CSMD1: variants seen among roughly 807,000 people sequenced by gnomAD.
CSMD1 encodes CUB and sushi domain-containing protein 1.
Under a neutral mutation model 417.5 loss-of-function variants are expected in CSMD1, and 213 were observed. That is an observed-to-expected ratio of 0.51 (90% CI 0.46 to 0.57). The LOEUF (loss-of-function observed/expected upper bound fraction) is 0.57. CSMD1 is among the 20% of genes least tolerant of loss of function. CSMD1 has a pLI of 0.00. For missense variants in CSMD1, 6,923 were observed against 4,529.7 expected (o/e 1.53, Z -15.17); for synonymous variants, 2,862 against 1,736.8 (o/e 1.65, Z -16.11).
chr8:3,402,922 T>C (rs1214554519), intron 15 of CSMD1, among the ~76,000 whole-genome samples: 4 of 152,184 alleles, frequency 2.6e-5, no homozygotes, highest in African/African-American at 9.6e-5. Flanking sequence ...GACATTTTCC[T>C]TGAAACACAG....
At chr8:4,656,397 T>G (rs1029495365) in intron 1 of CSMD1, among the ~76,000 whole-genome samples, 8 of 151,934 alleles carry the variant, frequency 5.3e-5, no homozygotes, top group Non-Finnish European at 8.8e-5. Flanking sequence ...CTCAGTAAAG[T>G]GGGGACACTT....
chr8:4,549,701 C>CA, intron 2 of CSMD1, among the ~76,000 whole-genome samples: 1 of 151,836 alleles, frequency 6.6e-6, no homozygotes, highest in East Asian at 1.9e-4. Flanking sequence ...CCAGCCTGGG[C>CA]AACATGGCAA....
chr8:3,507,164 T>C (rs1312422104), intron 10 of CSMD1, among the ~76,000 whole-genome samples: 4 of 152,192 alleles, frequency 2.6e-5, no homozygotes, highest in African/African-American at 9.6e-5. Flanking sequence ...GTGATTTAAG[T>C]GGTTTAGAGG....
intron 2 of CSMD1, among the ~76,000 whole-genome samples, chr8:4,571,775 C>A (rs2927552): frequency 6.6e-6 from 1 of 151,930 alleles, no homozygotes; most frequent in Non-Finnish European, 1.5e-5. Flanking sequence ...TCTCTTTGTA[C>A]GTCTCTAAGA....
chr8:3,253,199 T>C (rs910890434), intron 26 of CSMD1, among the ~76,000 whole-genome samples: 1 of 152,102 alleles, frequency 6.6e-6, no homozygotes, highest in Non-Finnish European at 1.5e-5. Flanking sequence ...CACTGCTTTG[T>C]ATGTGTCCCA....
intron 1 of CSMD1, among the ~76,000 whole-genome samples, chr8:4,666,107 CT>C (rs1178347887): frequency 3.9e-4 from 59 of 152,136 alleles, no homozygotes; most frequent in African/African-American, 1.3e-3. Context: ...TCTGTGGTGA[CT>C]GGGGGGCGCT....
chr8:3,935,439 T>C (rs1269995606), intron 5 of CSMD1, among the ~76,000 whole-genome samples: 3 of 152,186 alleles, frequency 2.0e-5, no homozygotes, highest in Non-Finnish European at 4.4e-5. Flanking sequence ...AAATTGAAGT[T>C]TCCTGGCAAC....
intron 1 of CSMD1, among the ~76,000 whole-genome samples, chr8:4,710,653 G>T (rs1808228264): frequency 6.6e-6 from 1 of 151,172 alleles, no homozygotes; most frequent in Non-Finnish European, 1.5e-5. Context: ...AGACCACCCT[G>T]GCTAACAAGG....
intron 1 of CSMD1, among the ~76,000 whole-genome samples, chr8:4,669,976 C>A (rs1455013959): frequency 3.3e-5 from 5 of 152,112 alleles, no homozygotes; most frequent in African/African-American, 1.2e-4. Context: ...AGCTGCTGAG[C>A]TGAAGATCTA....
chr8:3,985,225 G>A (rs559152400), intron 5 of CSMD1, among the ~76,000 whole-genome samples: 49 of 152,200 alleles, frequency 3.2e-4, no homozygotes, highest in African/African-American at 8.9e-4. Context: ...AAGCATTGAC[G>A]GGTTATAAAT....
intron 3 of CSMD1, among the ~76,000 whole-genome samples, chr8:4,354,898 G>GTC (rs1425001651): frequency 7.4e-5 from 11 of 149,078 alleles, no homozygotes; most frequent in East Asian, 5.9e-4. Flanking sequence ...GTGTGTGTGT[G>GTC]TGTGTGTGTG....
intron 3 of CSMD1, among the ~76,000 whole-genome samples, chr8:4,401,639 T>C (rs892193829): frequency 1.3e-5 from 2 of 152,150 alleles, no homozygotes; most frequent in African/African-American, 2.4e-5. Context: ...TTCTGTGTCG[T>C]ACCCGACCCT....
chr8:3,922,568 G>A (rs140218730), intron 5 of CSMD1, among the ~76,000 whole-genome samples: 1 of 151,772 alleles, frequency 6.6e-6, no homozygotes, highest in Non-Finnish European at 1.5e-5. Context: ...TTTGTTCATG[G>A]TTACAAGTAG....
chr8:2,978,210 C>A (rs114310984), intron 55 of CSMD1, among the ~76,000 whole-genome samples: 49 of 152,300 alleles, frequency 3.2e-4, no homozygotes, highest in African/African-American at 1.1e-3. Flanking sequence ...AAACTCCACA[C>A]CAGAGCACTT....
At chr8:3,625,072 T>C (rs1262379987) in intron 7 of CSMD1, among the ~76,000 whole-genome samples, 1 of 31,082 alleles carries the variant, frequency 3.2e-5, no homozygotes, top group African/African-American at 6.6e-5. Flanking sequence ...TGCATAACAG[T>C]TTTTTTTTTA....
chr8:3,244,781 C>G (rs1174480801), intron 26 of CSMD1, among the ~76,000 whole-genome samples: 4 of 152,186 alleles, frequency 2.6e-5, no homozygotes, highest in Admixed American at 1.3e-4. Context: ...AATCCAGTAT[C>G]TGCACACCCT....
intron 49 of CSMD1, among the ~76,000 whole-genome samples, chr8:3,085,338 G>C (rs191015578): frequency 8.9e-4 from 136 of 152,322 alleles, no homozygotes; most frequent in Non-Finnish European, 1.7e-3. Context: ...AGGAAGTGTA[G>C]AAAGTCACAG....
At chr8:3,854,736 C>A (rs1317034901) in intron 5 of CSMD1, among the ~76,000 whole-genome samples, 1 of 138,264 alleles carries the variant, frequency 7.2e-6, no homozygotes, top group African/African-American at 2.9e-5. Context: ...AAGAGAAACT[C>A]CAGAGGGGGT....
intron 3 of CSMD1, among the ~76,000 whole-genome samples, chr8:4,230,648 C>G (rs550614379): frequency 3.3e-5 from 5 of 152,236 alleles, no homozygotes; most frequent in Non-Finnish European, 4.4e-5. Flanking sequence ...TACCAAGTAG[C>G]TCATAATTTT....
Sources: allele counts gnomAD v4.1 joint callset (sites outside exome capture counted in the v4.1 genomes callset), GRCh38; gene constraint gnomAD v4.1.1; transcripts MANE v1.5; gene names NCBI Gene and HGNC (gene_info 2026-07-23, HGNC 2026-07-21).